Variants in LGSN observed in about 807,000 individuals in gnomAD.
LGSN encodes lengsin.
Under a neutral mutation model 19.5 loss-of-function variants are expected in LGSN, and 21 were observed. That is an observed-to-expected ratio of 1.07 (90% confidence interval 0.76 to 1.55). LGSN has a LOEUF of 1.55. LGSN is among the 40% of genes most tolerant of loss of function. The pLI is 0.00. For synonymous variants in LGSN, 257 were observed against 215.6 expected (o/e 1.19, Z -1.68); for missense variants, 673 against 608.5 (o/e 1.11, Z -1.12).
the LGSN span, among the ~76,000 whole-genome samples, chr6:63,445,362 A>G: frequency 6.6e-6 from 1 of 152,086 alleles, no homozygotes; most frequent in African/African-American, 2.4e-5. Context: ...TCACGCCTGT[A>G]ATCTCAGCAC....
chr6:63,567,804 G>T, the LGSN span, among the ~76,000 whole-genome samples: 1 of 152,174 alleles, frequency 6.6e-6, no homozygotes, highest in Non-Finnish European at 1.5e-5. Flanking sequence ...CTGTTATTTA[G>T]TGTAGCCACC....
At chr6:63,563,669 C>A in the LGSN span, among the ~76,000 whole-genome samples, 3 of 152,108 alleles carry the variant, frequency 2.0e-5, no homozygotes, top group African/African-American at 7.2e-5. Context: ...TAGCAGAGTG[C>A]CTGGCATATG....
chr6:63,362,946 G>A, the LGSN span, among the ~76,000 whole-genome samples: 6 of 152,316 alleles, frequency 3.9e-5, no homozygotes, highest in Middle Eastern at 6.8e-3. Flanking sequence ...ACACCTCCCA[G>A]TAGGGGCCGA....
chr6:63,327,885 T>G, the LGSN span, among the ~76,000 whole-genome samples: 1 of 152,162 alleles, frequency 6.6e-6, no homozygotes, highest in African/African-American at 2.4e-5. Flanking sequence ...CCTTCCCATT[T>G]TGATGGCTTT....
chr6:63,281,245 A>G, intron 3 of LGSN, 25 bp from the exon 4 acceptor site: 2 of 1,433,610 alleles, frequency 1.4e-6, no homozygotes, highest in Non-Finnish European at 1.8e-6. Flanking sequence ...AAATGAAGAA[A>G]TTAGGTTTTG....
chr6:63,370,618 A>G, the LGSN span, among the ~76,000 whole-genome samples: 2 of 152,198 alleles, frequency 1.3e-5, no homozygotes, highest in Admixed American at 6.5e-5. Context: ...ATCCAGGATG[A>G]GATCTCAAAG....
the LGSN span, among the ~76,000 whole-genome samples, chr6:63,448,492 G>A: frequency 3.3e-5 from 5 of 151,418 alleles, no homozygotes; most frequent in African/African-American, 1.2e-4. Flanking sequence ...AAGCTATCAC[G>A]GAGGGTGTCT....
In LGSN at chr6:63,278,184, C is replaced by G. The variant is rs945518777; in HGVS notation, c.*1837G>C. The G allele has an allele frequency of 6.6e-6, 1 of 152,008 alleles. No individual in the cohort carries two copies. Among genetic ancestry groups the G allele is most frequent in the Non-Finnish European group, 1.5e-5 (1 of 68,028 alleles). The allele number at this position is 152,008 out of a possible 1,614,324, so 9.4% of individuals were successfully genotyped here. A position where few individuals can be genotyped will look rare whatever the true frequency, so the allele number is the denominator to read the frequency against. On this transcript the variant is annotated 3_prime_UTR_variant, in exon 4 of 4. Coordinates refer to ENST00000370657, the MANE Select transcript of LGSN (RefSeq NM_016571.3). ...CTGAACCTAATAACATGACCACATC[C>G]AACCTTAATGAAGGCTCAGAAATAT...
At chr6:63,349,203 T>C in the LGSN span, among the ~76,000 whole-genome samples, 1 of 152,212 alleles carries the variant, frequency 6.6e-6, no homozygotes, top group Non-Finnish European at 1.5e-5. Context: ...TTTGTTGTTA[T>C]TGACTTAAGT....
the LGSN span, among the ~76,000 whole-genome samples, chr6:63,412,472 G>A: frequency 1.5e-3 from 140 of 93,098 alleles, 2 homozygotes; most frequent in African/African-American, 4.6e-3. Flanking sequence ...GAAAAAGAGA[G>A]AGAAGAAAGA....
At chr6:63,317,080 T>C (rs1768896907) in intron 1 of LGSN, among the ~76,000 whole-genome samples, 1 of 152,182 alleles carries the variant, frequency 6.6e-6, no homozygotes, top group African/African-American at 2.4e-5. Context: ...TTATCATTAC[T>C]ATCATAAGCA....
chr6:63,567,064 G>T, the LGSN span, among the ~76,000 whole-genome samples: 1 of 152,144 alleles, frequency 6.6e-6, no homozygotes. Context: ...AACTCCAATT[G>T]TCTTGCTATT....
the LGSN span, among the ~76,000 whole-genome samples, chr6:63,563,187 C>T: frequency 1.3e-5 from 2 of 152,336 alleles, no homozygotes; most frequent in Admixed American, 6.5e-5. Flanking sequence ...CTCCACAGAA[C>T]AGAAAAACAA....
At chr6:63,394,212 C>T in the LGSN span, among the ~76,000 whole-genome samples, 66 of 151,980 alleles carry the variant, frequency 4.3e-4, no homozygotes, top group Admixed American at 2.0e-4. Context: ...TGCAGTGAGC[C>T]GAGATCACGC....
At chr6:63,423,050 C>G in the LGSN span, among the ~76,000 whole-genome samples, 1,544 of 152,238 alleles carry the variant, frequency 0.01, 6 homozygotes, top group Non-Finnish European at 0.015. Flanking sequence ...ACTAATATCA[C>G]TTAAAGTAGG....
At chr6:63,537,295 C>G in the LGSN span, among the ~76,000 whole-genome samples, 1 of 152,148 alleles carries the variant, frequency 6.6e-6, no homozygotes, top group African/African-American at 2.4e-5. Flanking sequence ...CTATTCCAGA[C>G]CTAGTGAACC....
intron 2 of LGSN, among the ~76,000 whole-genome samples, chr6:63,294,071 T>C (rs1215905802): frequency 2.0e-5 from 3 of 152,106 alleles, no homozygotes; most frequent in Non-Finnish European, 4.4e-5. Flanking sequence ...CTCATGTCTG[T>C]AGCCTGTAAT....
At chr6:63,485,576 T>C in the LGSN span, among the ~76,000 whole-genome samples, 1 of 152,250 alleles carries the variant, frequency 6.6e-6, no homozygotes, top group Non-Finnish European at 1.5e-5. Flanking sequence ...CGCCAAATTA[T>C]ATTTCTGGTT....
chr6:63,473,255 CT>C, the LGSN span, among the ~76,000 whole-genome samples: 1 of 151,780 alleles, frequency 6.6e-6, no homozygotes, highest in African/African-American at 2.4e-5. Context: ...GGCTGATTGC[CT>C]GAGCTCAGGG....
Sources: gnomAD v4.1 joint callset for allele counts (sites outside exome capture counted in the v4.1 genomes callset) on GRCh38, gnomAD v4.1.1 for gene constraint, MANE v1.5 for transcripts, NCBI Gene and HGNC (gene_info 2026-07-23, HGNC 2026-07-21) for gene names.